The following NLN variants were observed in gnomAD, a reference collection of about 807,000 sequenced individuals.
NLN encodes neurolysin.
A neutral mutation model predicts 79.9 loss-of-function variants in NLN; 64 were observed. The observed-to-expected ratio is 0.80, with a 90% confidence interval of 0.65 to 0.99. The LOEUF is 0.99. Ranked by LOEUF, NLN falls within the 50% of genes least tolerant of loss-of-function variation. The probability of loss-of-function intolerance (pLI) is 0.00; values close to 1 mark genes in which losing one functional copy is unlikely to be tolerated. For missense variants in NLN, 835 were observed against 858.7 expected (o/e 0.97, Z 0.34); for synonymous variants, 267 against 296.6 (o/e 0.90, Z 1.02).
intron 9 of NLN, among the ~76,000 whole-genome samples, chr5:65,805,793 A>G (rs1760398787): frequency 6.6e-6 from 1 of 152,260 alleles, no homozygotes. Flanking sequence ...ATAGCCTTCT[A>G]TTGGTAGAAG....
intron 9 of NLN, among the ~76,000 whole-genome samples, chr5:65,802,866 G>T (rs1173134458): frequency 6.6e-6 from 1 of 152,040 alleles, no homozygotes; most frequent in African/African-American, 2.4e-5. Context: ...AGAGACCCTG[G>T]GGTGGGTAGT....
At chr5:65,737,177 C>T (rs1210450994) in intron 1 of NLN, among the ~76,000 whole-genome samples, 1 of 152,182 alleles carries the variant, frequency 6.6e-6, no homozygotes, top group Admixed American at 6.5e-5. Flanking sequence ...GTACAAGCCA[C>T]TGAGCTAAAC....
In NLN at chr5:65,827,296, T is replaced by C. The variant is rs1207178421; in HGVS notation, c.*4381T>C. 6.6e-6 allele frequency: 1 copy of C among 152,176 alleles called. No homozygotes were observed. Among genetic ancestry groups the C allele is most frequent in the South Asian group, 2.1e-4 (1 of 4,834 alleles). 9.4% of individuals were successfully genotyped at this position (152,176 alleles called of 1,614,324 possible). ...CAGGTTCAACACATCTAGTCCACGATGTACGTACAAGGGGAAGGGGTGAAC... is the reference window on the plus strand; with the variant it reads ...CAGGTTCAACACATCTAGTCCACGACGTACGTACAAGGGGAAGGGGTGAAC... On this transcript the variant is annotated 3_prime_UTR_variant, in exon 13 of 13. Transcript: ENST00000380985.
intron 1 of NLN, among the ~76,000 whole-genome samples, chr5:65,724,220 C>T (rs541482926): frequency 1.4e-3 from 216 of 152,110 alleles, no homozygotes; most frequent in Non-Finnish European, 2.5e-3. Flanking sequence ...GTCATCATCC[C>T]AAACTGAAAC....
At chr5:65,803,746 C>T (rs1475274007) in intron 9 of NLN, among the ~76,000 whole-genome samples, 1 of 151,956 alleles carries the variant, frequency 6.6e-6, no homozygotes, top group Non-Finnish European at 1.5e-5. Context: ...TCAGCAGCCA[C>T]AGCTTGGGCA....
chr5:65,735,793 T>C (rs566363488), intron 1 of NLN, among the ~76,000 whole-genome samples: 47 of 152,256 alleles, frequency 3.1e-4, no homozygotes, highest in Non-Finnish European at 5.7e-4. Context: ...CAGCTTCTCC[T>C]CTCACTCAGT....
intron 9 of NLN, among the ~76,000 whole-genome samples, chr5:65,797,317 T>C (rs545948859): frequency 1.3e-5 from 2 of 152,368 alleles, no homozygotes; most frequent in Non-Finnish European, 2.9e-5. Flanking sequence ...TAAAGCCTTC[T>C]TAATTAAACG....
chr5:65,742,457 A>G (rs1430019587), intron 1 of NLN, among the ~76,000 whole-genome samples: 1 of 152,210 alleles, frequency 6.6e-6, no homozygotes, highest in Non-Finnish European at 1.5e-5. Flanking sequence ...AGGAAAACTC[A>G]TAATGCTTTT....
chr5:65,821,687 G>C (rs1237199856), intron 12 of NLN, among the ~76,000 whole-genome samples: 1 of 152,152 alleles, frequency 6.6e-6, no homozygotes, highest in Non-Finnish European at 1.5e-5. Flanking sequence ...CTCCTGATTA[G>C]AGTCCAGACT....
At position 65,828,287 on chromosome 5, in the gene NLN, C is replaced by T. The variant is rs1383587563; in HGVS notation, c.*5372C>T. ...TGCCTAGATCAAAAGAATAATCCCC[C>T]CGGACTCCAGTGTAAGATCAATTAC... is the stretch of plus-strand genomic sequence containing the variant. On this transcript the variant is annotated 3_prime_UTR_variant, in exon 13 of 13. Transcript: ENST00000380985. 6.6e-6 allele frequency: 1 copy of T among 152,146 alleles called. No individual in the cohort carries two copies. Among genetic ancestry groups the T allele is most frequent in the African/African-American group, 2.4e-5 (1 of 41,434 alleles). The allele number at this position is 152,146 out of a possible 1,614,324, so 9.4% of individuals were successfully genotyped here.
chr5:65,723,733 T>C (rs1209186118), intron 1 of NLN, among the ~76,000 whole-genome samples: 2 of 141,742 alleles, frequency 1.4e-5, no homozygotes. Context: ...GAGAATGGCA[T>C]GAACCCGGGA....
rs1760894233 is a variant in NLN, at chr5:65,825,292, T to C, written c.*2377T>C. 1 of 152,198 alleles carries C rather than the reference T, an allele frequency of 6.6e-6. No homozygotes were observed. Among genetic ancestry groups the C allele is most frequent in the Non-Finnish European group, 1.5e-5 (1 of 68,042 alleles). 9.4% of individuals were successfully genotyped at this position (152,198 alleles called of 1,614,324 possible). On this transcript the variant is annotated 3_prime_UTR_variant, in exon 13 of 13. Transcript: ENST00000380985. ...ATGCTTGAAATGGTGGATAACTATGTAAATTGTAATTGGACAAATGTACAC... is the reference window on the plus strand; with the variant it reads ...ATGCTTGAAATGGTGGATAACTATGCAAATTGTAATTGGACAAATGTACAC...
At chr5:65,728,390 C>T (rs979581803) in intron 1 of NLN, among the ~76,000 whole-genome samples, 6 of 152,158 alleles carry the variant, frequency 3.9e-5, no homozygotes, top group Admixed American at 3.3e-4. Context: ...CAACTTCCTG[C>T]AATGAGTAAT....
chr5:65,768,210 C>G (rs1420643576), intron 3 of NLN, among the ~76,000 whole-genome samples: 1 of 152,110 alleles, frequency 6.6e-6, no homozygotes, highest in Non-Finnish European at 1.5e-5. Context: ...TCTCACACTG[C>G]TATAAAGAAT....
chr5:65,773,107 C>A (rs1028011334), intron 3 of NLN, among the ~76,000 whole-genome samples: 5 of 150,830 alleles, frequency 3.3e-5, no homozygotes, highest in Admixed American at 6.6e-5. Context: ...CATAAGCCAC[C>A]ACACCCAGCC....
At chr5:65,729,879 C>T (rs1758567996) in intron 1 of NLN, among the ~76,000 whole-genome samples, 1 of 152,182 alleles carries the variant, frequency 6.6e-6, no homozygotes. Context: ...CAAGCTGCCG[C>T]ATTGCAAAGT....
At chr5:65,756,422 A>G (rs1016511699) in intron 1 of NLN, among the ~76,000 whole-genome samples, 1 of 152,108 alleles carries the variant, frequency 6.6e-6, no homozygotes, top group Non-Finnish European at 1.5e-5. Context: ...TCCTGAATAT[A>G]TTTTAAATCA....
At chr5:65,795,095 G>A (rs1410249656) in intron 9 of NLN, among the ~76,000 whole-genome samples, 1 of 152,134 alleles carries the variant, frequency 6.6e-6, no homozygotes, top group Non-Finnish European at 1.5e-5. Flanking sequence ...GTTCATGCCT[G>A]TAATCCCAGC....
chr5:65,786,923 A>G (rs1395401913), intron 7 of NLN, among the ~76,000 whole-genome samples: 2 of 152,182 alleles, frequency 1.3e-5, no homozygotes, highest in African/African-American at 4.8e-5. Flanking sequence ...TTTGTCACTT[A>G]CTAGAAACAA....
Sources: allele counts gnomAD v4.1 joint callset (sites outside exome capture counted in the v4.1 genomes callset), GRCh38; gene constraint gnomAD v4.1.1; transcripts MANE v1.5; gene names NCBI Gene and HGNC (gene_info 2026-07-23, HGNC 2026-07-21).